KHDRBS2: variants seen among roughly 807,000 people sequenced by gnomAD.
KHDRBS2 encodes KH RNA binding domain containing, signal transduction associated 2, also known as KH domain-containing, RNA-binding, signal transduction-associated protein 2.
KHDRBS2 carries 26 observed loss-of-function variants against 44.3 expected under a neutral mutation model. That is an observed-to-expected ratio of 0.59 (90% confidence interval 0.43 to 0.81). KHDRBS2 has a LOEUF of 0.81. Ranked by LOEUF, KHDRBS2 falls within the 40% of genes least tolerant of loss-of-function variation. The probability of loss-of-function intolerance (pLI) is 0.00; values close to 1 mark genes in which losing one functional copy is unlikely to be tolerated. For missense variants in KHDRBS2, 476 were observed against 433.1 expected, an observed-to-expected ratio of 1.10 and a Z score of -0.88; for synonymous variants, 194 against 151.1, an observed-to-expected ratio of 1.28 and a Z score of -2.08.
At chr6:62,058,033 CATT>C in intron 2 of KHDRBS2, among the ~76,000 whole-genome samples, 1 of 151,964 alleles carries the variant, frequency 6.6e-6, no homozygotes, top group Middle Eastern at 3.4e-3. Flanking sequence ...TTAAATTCTT[CATT>C]ATTAACATTA....
intron 4 of KHDRBS2, among the ~76,000 whole-genome samples, chr6:61,940,781 T>C (rs987526777): frequency 6.6e-6 from 1 of 152,074 alleles, no homozygotes; most frequent in Admixed American, 6.6e-5. Context: ...TGGGCTAACA[T>C]ACCAGGGGCT....
chr6:61,956,685 C>T (rs978267990), intron 4 of KHDRBS2, among the ~76,000 whole-genome samples: 3 of 152,096 alleles, frequency 2.0e-5, no homozygotes, highest in Admixed American at 6.6e-5. Flanking sequence ...CTGCACACCC[C>T]TATATTCTTG....
the KHDRBS2 span, among the ~76,000 whole-genome samples, chr6:61,671,056 T>G: frequency 6.6e-6 from 1 of 151,718 alleles, no homozygotes; most frequent in South Asian, 2.1e-4. Context: ...ATTACAGTAG[T>G]TGAAAAATTT....
At chr6:62,055,639 G>C (rs1790108759) in intron 2 of KHDRBS2, among the ~76,000 whole-genome samples, 1 of 152,024 alleles carries the variant, frequency 6.6e-6, no homozygotes, top group Non-Finnish European at 1.5e-5. Flanking sequence ...AGCAAAAATA[G>C]TGGGGAAAAA....
At chr6:61,928,945 G>A (rs116446219) in intron 4 of KHDRBS2, among the ~76,000 whole-genome samples, 17 of 151,904 alleles carry the variant, frequency 1.1e-4, no homozygotes, top group Middle Eastern at 3.4e-3. Flanking sequence ...TAAGACTAGT[G>A]GAAGCTCTTT....
At chr6:61,615,233 C>CAAAAA in the KHDRBS2 span, among the ~76,000 whole-genome samples, 17,770 of 58,294 alleles carry the variant, frequency 0.3, 3,032 homozygotes, top group East Asian at 0.42. Flanking sequence ...ACTCCATCTC[C>CAAAAA]AAAAAAAAAA....
At chr6:62,253,772 C>A (rs2150176559) in intron 1 of KHDRBS2, among the ~76,000 whole-genome samples, 1 of 152,098 alleles carries the variant, frequency 6.6e-6, no homozygotes, top group South Asian at 2.1e-4. Context: ...CAAATGCATT[C>A]TCACCTTTCC....
rs554491414 is a variant in KHDRBS2 at position 62,013,903 on chromosome 6, G to C, written c.336+33975C>G. ...TAAATAGCAGAATTAAGTCAAAGAG[G>C]TGCTAGCAACCACAGGAAGGAAAGA... On this transcript the variant is annotated intron_variant, in intron 3 of 8. Coordinates refer to ENST00000281156, the MANE Select transcript of KHDRBS2 (RefSeq NM_152688.4). 7.9e-5 allele frequency among the ~76,000 whole-genome samples: 12 copies of C among 152,272 alleles called. No homozygotes were observed. In the East Asian group the frequency reaches 2.3e-3, roughly 29 times the overall value.
intron 3 of KHDRBS2, among the ~76,000 whole-genome samples, chr6:62,020,601 T>C (rs1480192012): frequency 6.6e-6 from 1 of 152,040 alleles, no homozygotes. Flanking sequence ...CAGTTTTTGC[T>C]TCATGTACTT....
At chr6:62,054,236 G>A (rs1364588716) in intron 2 of KHDRBS2, among the ~76,000 whole-genome samples, 1 of 151,972 alleles carries the variant, frequency 6.6e-6, no homozygotes, top group Non-Finnish European at 1.5e-5. Context: ...AGAAGCAAAA[G>A]AACAAGTCAA....
chr6:62,254,048 T>A (rs970668132), intron 1 of KHDRBS2, among the ~76,000 whole-genome samples: 45 of 151,952 alleles, frequency 3.0e-4, no homozygotes, highest in African/African-American at 1.0e-3. Flanking sequence ...CAGAAACTCA[T>A]TCACATGGGA....
chr6:61,648,728 G>T, the KHDRBS2 span, among the ~76,000 whole-genome samples: 1 of 152,114 alleles, frequency 6.6e-6, no homozygotes, highest in East Asian at 1.9e-4. Context: ...TCTCAAAGAA[G>T]CCAACGTGTG....
chr6:61,878,762 G>A (rs73478943), intron 6 of KHDRBS2, among the ~76,000 whole-genome samples: 1,603 of 152,006 alleles, frequency 0.011, 31 homozygotes, highest in African/African-American at 0.037. Context: ...GCCACTTTTC[G>A]AATCAAACCT....
At chr6:61,629,757 T>G in the KHDRBS2 span, among the ~76,000 whole-genome samples, 4,266 of 152,296 alleles carry the variant, frequency 0.028, 197 homozygotes, top group African/African-American at 0.097. Flanking sequence ...GTAGAACACC[T>G]AATCTGTGAA....
chr6:61,549,961 A>G, the KHDRBS2 span, among the ~76,000 whole-genome samples: 1 of 152,164 alleles, frequency 6.6e-6, no homozygotes, highest in South Asian at 2.1e-4. Flanking sequence ...TTTATGATGC[A>G]CTATACAAAA....
chr6:62,101,374 G>A (rs921990121), intron 2 of KHDRBS2, among the ~76,000 whole-genome samples: 1 of 152,118 alleles, frequency 6.6e-6, no homozygotes, highest in Non-Finnish European at 1.5e-5. Flanking sequence ...TAACTGCAAG[G>A]TCTTGGATTT....
chr6:62,033,344 T>C (rs965044627), intron 3 of KHDRBS2, among the ~76,000 whole-genome samples: 2 of 151,916 alleles, frequency 1.3e-5, no homozygotes, highest in Non-Finnish European at 2.9e-5. Flanking sequence ...AAGATATCAA[T>C]ACTAAAGTAC....
At chr6:62,059,977 C>A (rs1223607302) in intron 2 of KHDRBS2, among the ~76,000 whole-genome samples, 1 of 151,720 alleles carries the variant, frequency 6.6e-6, no homozygotes, top group Non-Finnish European at 1.5e-5. Context: ...GTCTAGAATT[C>A]TACAGGAATG....
chr6:62,025,905 T>C (rs1348509947), intron 3 of KHDRBS2, among the ~76,000 whole-genome samples: 1 of 152,062 alleles, frequency 6.6e-6, no homozygotes, highest in Non-Finnish European at 1.5e-5. Flanking sequence ...TCGATTAAAT[T>C]CAGATTCAAC....
Sources: gnomAD v4.1 joint callset for allele counts (sites outside exome capture counted in the v4.1 genomes callset) on GRCh38, gnomAD v4.1.1 for gene constraint, MANE v1.5 for transcripts, NCBI Gene and HGNC (gene_info 2026-07-23, HGNC 2026-07-21) for gene names.